Variants in PRPS2 observed in about 807,000 individuals in gnomAD.
PRPS2 encodes the protein ribose-phosphate pyrophosphokinase 2.
For synonymous variants in PRPS2, 111 were observed against 115.3 expected (o/e 0.96, Z 0.24); for missense variants, 104 against 271.5 (o/e 0.38, Z 4.34).
At chrX:12,802,062 C>T (rs764326445) in intron 2 of PRPS2, among the ~76,000 whole-genome samples, 1 of 112,801 alleles carries the variant, frequency 8.9e-6, no homozygotes, top group South Asian at 3.7e-4. Context: ...TTTGTAACCC[C>T]ATTTTGTTCA....
At chrX:12,798,908 G>T (rs2042556465) in intron 1 of PRPS2, among the ~76,000 whole-genome samples, 1 of 112,059 alleles carries the variant, frequency 8.9e-6, no homozygotes, top group Non-Finnish European at 1.9e-5. Context: ...CTGGTAGAGA[G>T]CCCTTCACAC....
In PRPS2 at chrX:12,818,366, C is replaced by CAAA. The variant is rs35450855; in HGVS notation, c.531-1125_531-1123dup. Among the ~76,000 whole-genome samples, 489 of 62,859 alleles carry CAAA rather than the reference C, an allele frequency of 7.8e-3. 10 individuals carry two copies. The highest frequency in any genetic ancestry group is 0.026 in the African/African-American group (424 of 16,353). The allele number at this position is 62,859 out of a possible 115,157, so 54.6% of individuals were successfully genotyped here. The stretch of plus-strand genomic sequence containing the variant: ...CTGGTCAACAAGAGTGAAACTGTCT[C>CAAA]AAAAAAAAAAAAAAAAAAGAAAAGA... On this transcript the variant is annotated intron_variant, in intron 4 of 6. Transcript: ENST00000380668.
chrX:12,791,730 C>T (rs1281938716), intron 1 of PRPS2, 111 bp downstream of exon 1: 1 of 744,947 alleles, frequency 1.3e-6, no homozygotes, highest in East Asian at 1.1e-4. Context: ...CGCGCTCCCC[C>T]TTCCGGGGCG....
Position 12,819,108 on chromosome X carries a change from G to T in PRPS2, c.531-399G>T, listed in dbSNP as rs1191153395. 8.0e-5 allele frequency among the ~76,000 whole-genome samples: 9 copies of T among 112,661 alleles called. No individual in the cohort carries two copies. The South Asian group carries it at 2.9e-3, about 36-fold the overall frequency. ...TCCTGACTAGCCTACATATTAGATG[G>T]CTGTATTAACCAGGACTTTTGTCCC... On this transcript the variant is annotated intron_variant, in intron 4 of 6. Coordinates refer to ENST00000380668, the MANE Select transcript of PRPS2 (RefSeq NM_002765.5).
intron 2 of PRPS2, among the ~76,000 whole-genome samples, chrX:12,803,728 C>G (rs2147217236): frequency 8.9e-6 from 1 of 112,462 alleles, no homozygotes; most frequent in African/African-American, 3.2e-5. Flanking sequence ...TTTACAGGTT[C>G]CAAGGATTGG....
chrX:12,822,140 A>G (rs1399811457), intron 6 of PRPS2, among the ~76,000 whole-genome samples: 1 of 112,154 alleles, frequency 8.9e-6, no homozygotes, highest in African/African-American at 3.2e-5. Context: ...CCAGCCTGTC[A>G]TCTGTTTCTG....
intron 1 of PRPS2, among the ~76,000 whole-genome samples, chrX:12,796,412 G>A (rs1358351912): frequency 3.7e-5 from 4 of 109,179 alleles, no homozygotes; most frequent in African/African-American, 1.3e-4. Flanking sequence ...GTAGAGATGG[G>A]GTTTCTCCAT....
chrX:12,810,667 T>A (rs1432454481), intron 4 of PRPS2, among the ~76,000 whole-genome samples: 1 of 110,368 alleles, frequency 9.1e-6, no homozygotes, highest in African/African-American at 3.3e-5. Flanking sequence ...TGGGTTTTAA[T>A]ACTCACCTGG....
chrX:12,820,526 G>T, intron 5 of PRPS2, 118 bp from the exon 6 acceptor site: 1 of 752,739 alleles, frequency 1.3e-6, no homozygotes, highest in East Asian at 3.3e-5. Context: ...AAATGTGAGT[G>T]AAATTTGTTG....
At chrX:12,821,729 A>G (rs1205962853) in intron 6 of PRPS2, among the ~76,000 whole-genome samples, 2 of 112,273 alleles carry the variant, frequency 1.8e-5, no homozygotes, top group Non-Finnish European at 3.8e-5. Flanking sequence ...CAGTGAAAAA[A>G]TGGGGGTGGG....
intron 4 of PRPS2, among the ~76,000 whole-genome samples, chrX:12,818,121 C>T (rs1460761932): frequency 2.7e-5 from 3 of 110,952 alleles, no homozygotes; most frequent in African/African-American, 9.8e-5. Context: ...GTAATCCCAG[C>T]ACTTTGGGAA....
chrX:12,819,044 GT>G (rs1181784194), intron 4 of PRPS2, among the ~76,000 whole-genome samples: 3 of 112,156 alleles, frequency 2.7e-5, no homozygotes, highest in Non-Finnish European at 5.6e-5. Flanking sequence ...TGGACTCACA[GT>G]TTAAAGTCTC....
intron 4 of PRPS2, among the ~76,000 whole-genome samples, chrX:12,811,619 A>C (rs1320569033): frequency 8.9e-6 from 1 of 111,938 alleles, no homozygotes; most frequent in Non-Finnish European, 1.9e-5. Flanking sequence ...CTAAATGTGC[A>C]CTAATAGAGG....
At chrX:12,822,272 T>C (rs1360909181) in intron 6 of PRPS2, among the ~76,000 whole-genome samples, 3 of 112,454 alleles carry the variant, frequency 2.7e-5, no homozygotes, top group Non-Finnish European at 5.6e-5. Flanking sequence ...AGGTCAAATA[T>C]GTTAACTATT....
At chrX:12,805,848 G>A (rs766738786) in intron 2 of PRPS2, among the ~76,000 whole-genome samples, 70 of 111,922 alleles carry the variant, frequency 6.3e-4, no homozygotes, top group Middle Eastern at 9.2e-3. Context: ...CAAGGCGGGC[G>A]GATCACCTGA....
intron 2 of PRPS2, among the ~76,000 whole-genome samples, chrX:12,803,053 C>T (rs2042577805): frequency 8.9e-6 from 1 of 112,168 alleles, no homozygotes; most frequent in African/African-American, 3.2e-5. Context: ...TTACCACAAA[C>T]TGGGTGACTT....
Position 12,799,196 on chromosome X carries a change from T to C in PRPS2, c.123-11T>C. The C allele has an allele frequency of 8.3e-7, 1 of 1,208,703 alleles. No homozygotes were observed. The highest frequency in any genetic ancestry group is 1.1e-6 in the Non-Finnish European group (1 of 893,502). On this transcript the variant is annotated splice_polypyrimidine_tract_variant and intron_variant, in intron 1 of 6. Transcript: ENST00000380668. ...CTTCGATATTAACCGATGGCAGTTT[T>C]CTTTTCCTAGCGTGGAGATTGGTGA...
At position 12,819,612 on chromosome X, in the gene PRPS2, G is replaced by A; in HGVS notation, c.636G>A (p.Lys212=). The change falls in exon 5 of 7, where the codon AAG becomes AAA. Residue 212 remains lysine, a synonymous_variant. Transcript: ENST00000380668. ...GGATGGTCCTGGTGGGCGACGTGAA[G>A]GACCGTGTGGCCATCCTCGTGGATG... ...VDRMVLVGDV[K]DRVAILVDDM... is the part of the protein sequence containing the mutation. The A allele has an allele frequency of 8.3e-7, 1 of 1,211,867 alleles. No homozygotes were observed. Among genetic ancestry groups the A allele is most frequent in the South Asian group, 1.8e-5 (1 of 56,927 alleles).
intron 2 of PRPS2, among the ~76,000 whole-genome samples, chrX:12,808,843 G>T (rs2042608124): frequency 9.0e-6 from 1 of 111,248 alleles, no homozygotes; most frequent in African/African-American, 3.3e-5. Context: ...TTTCCTCAGA[G>T]GGACCGCTAA....
Sources: gnomAD v4.1 joint callset for allele counts (sites outside exome capture counted in the v4.1 genomes callset) on GRCh38, gnomAD v4.1.1 for gene constraint, MANE v1.5 for transcripts, NCBI Gene and HGNC (gene_info 2026-07-23, HGNC 2026-07-21) for gene names.